Variants in HAO1 observed in about 807,000 individuals in gnomAD.
HAO1 encodes 2-Hydroxyacid oxidase 1.
In HAO1, 34 loss-of-function variants were observed where a neutral mutation model predicts 39.7. The ratio of observed to expected loss-of-function variants is 0.86; its 90% CI spans 0.65 to 1.14. The LOEUF is 1.14. Among genes scored for constraint, HAO1 ranks in the 50% most tolerant of loss-of-function variants. The probability of loss-of-function intolerance (pLI) is 0.00; values close to 1 mark genes in which losing one functional copy is unlikely to be tolerated. For synonymous variants in HAO1, 172 were observed against 173.2 expected (o/e 0.99, Z 0.05); for missense variants, 479 against 464.5 (o/e 1.03, Z -0.29).
chr20:7,906,418 A>G (rs1174188075), intron 3 of HAO1, 89 bp from the exon 4 acceptor site: 1 of 745,304 alleles, frequency 1.3e-6, no homozygotes, highest in African/African-American at 1.8e-5. Flanking sequence ...TACCCTTTTC[A>G]AATCAATTGG....
Position 7,931,806 on chromosome 20 carries a change from G to A in HAO1, c.289+2678C>T, listed in dbSNP as rs1347719214. Among the ~76,000 whole-genome samples the A allele has an allele frequency of 2.6e-5, 4 of 152,036 alleles. 1 individual carries two copies. In the South Asian group the frequency reaches 6.2e-4, roughly 24 times the overall value. ...CCCAACTCCACCAAGAATAAAGACT[G>A]GTCTTGGAACCATCAAATGTGACTT... On this transcript the variant is annotated intron_variant, in intron 2 of 7. Transcript: ENST00000378789.
chr20:7,903,926 A>G (rs951295859), intron 4 of HAO1, among the ~76,000 whole-genome samples: 6 of 151,854 alleles, frequency 4.0e-5, no homozygotes, highest in Non-Finnish European at 8.8e-5. Context: ...TAAAGTGATA[A>G]CAGAATGAAG....
intron 4 of HAO1, among the ~76,000 whole-genome samples, chr20:7,898,703 T>C (rs1312224384): frequency 1.3e-5 from 2 of 152,202 alleles, no homozygotes; most frequent in African/African-American, 4.8e-5. Context: ...GCAGTGTGAC[T>C]AAGAAACTGG....
intron 4 of HAO1, among the ~76,000 whole-genome samples, chr20:7,899,778 C>T (rs1256540557): frequency 6.6e-6 from 1 of 151,970 alleles, no homozygotes; most frequent in South Asian, 2.1e-4. Flanking sequence ...ATGAAAGGGC[C>T]AAAATATTCC....
At chr20:7,919,084 G>C (rs1195320804) in intron 2 of HAO1, among the ~76,000 whole-genome samples, 1 of 152,146 alleles carries the variant, frequency 6.6e-6, no homozygotes, top group Admixed American at 6.6e-5. Context: ...TCACAGCTGA[G>C]GTCATATTAA....
At chr20:7,933,053 A>C (rs2122798872) in intron 2 of HAO1, among the ~76,000 whole-genome samples, 1 of 152,310 alleles carries the variant, frequency 6.6e-6, no homozygotes, top group Middle Eastern at 3.4e-3. Flanking sequence ...AGATGGTCAT[A>C]ATTTCCATGT....
chr20:7,907,913 AT>A (rs1381257491), intron 3 of HAO1, among the ~76,000 whole-genome samples: 1 of 152,126 alleles, frequency 6.6e-6, no homozygotes, highest in African/African-American at 2.4e-5. Flanking sequence ...CTGTTTTTGA[AT>A]AATGACAGTG....
At chr20:7,932,166 G>A (rs998620733) in intron 2 of HAO1, among the ~76,000 whole-genome samples, 3 of 152,108 alleles carry the variant, frequency 2.0e-5, no homozygotes, top group African/African-American at 7.2e-5. Context: ...TGGGAAGAAG[G>A]TCGTTCCTTC....
intron 2 of HAO1, among the ~76,000 whole-genome samples, chr20:7,916,431 C>A (rs2050307446): frequency 6.6e-6 from 1 of 152,164 alleles, no homozygotes; most frequent in Admixed American, 6.5e-5. Context: ...CAGTGAGTTG[C>A]TGCTTATAAA....
At chr20:7,927,297 A>G (rs987064211) in intron 2 of HAO1, among the ~76,000 whole-genome samples, 3 of 152,162 alleles carry the variant, frequency 2.0e-5, no homozygotes, top group African/African-American at 7.2e-5. Flanking sequence ...ATTTATGTTT[A>G]TTATTGCTAT....
At chr20:7,901,571 C>G (rs1435716555) in intron 4 of HAO1, among the ~76,000 whole-genome samples, 1 of 152,226 alleles carries the variant, frequency 6.6e-6, no homozygotes, top group Non-Finnish European at 1.5e-5. Flanking sequence ...TGCTCATTGA[C>G]AGTGCACCTA....
intron 2 of HAO1, among the ~76,000 whole-genome samples, chr20:7,925,636 G>C (rs550310591): frequency 5.9e-4 from 90 of 152,272 alleles, no homozygotes; most frequent in Non-Finnish European, 1.0e-3. Context: ...GTTTTAAGGA[G>C]TATTGAGTTT....
At chr20:7,892,112 TCTCA>T in intron 5 of HAO1, among the ~76,000 whole-genome samples, 1 of 152,210 alleles carries the variant, frequency 6.6e-6, no homozygotes, top group Middle Eastern at 3.4e-3. Flanking sequence ...TGAGACAGAG[TCTCA>T]CTCTGTTGCC....
chr20:7,940,170 C>A, intron 1 of HAO1, 116 bp downstream of exon 1: 1 of 834,792 alleles, frequency 1.2e-6, no homozygotes, highest in Non-Finnish European at 1.8e-6. Context: ...TCCCTCTCTA[C>A]TAAGCACAAA....
intron 2 of HAO1, among the ~76,000 whole-genome samples, chr20:7,934,126 G>T (rs943078586): frequency 6.6e-6 from 1 of 152,094 alleles, no homozygotes; most frequent in African/African-American, 2.4e-5. Flanking sequence ...CATTTCCTGA[G>T]ACAGTACTAT....
chr20:7,906,070 T>A (rs978695894), intron 4 of HAO1, 84 bp downstream of exon 4: 1 of 944,390 alleles, frequency 1.1e-6, no homozygotes, highest in Non-Finnish European at 1.7e-6. Context: ...AATTTTTCCT[T>A]GTTATTTTCC....
intron 2 of HAO1, among the ~76,000 whole-genome samples, chr20:7,923,570 G>A (rs952037929): frequency 1.3e-5 from 2 of 152,122 alleles, no homozygotes; most frequent in African/African-American, 2.4e-5. Context: ...TAGGCTCTCA[G>A]AAGACCTTGA....
At chr20:7,912,105 T>C (rs576461237) in intron 3 of HAO1, among the ~76,000 whole-genome samples, 1 of 152,292 alleles carries the variant, frequency 6.6e-6, no homozygotes, top group South Asian at 2.1e-4. Flanking sequence ...GCTCATTATT[T>C]GATCATCTTC....
At chr20:7,903,373 T>C (rs962933048) in intron 4 of HAO1, among the ~76,000 whole-genome samples, 2 of 151,992 alleles carry the variant, frequency 1.3e-5, no homozygotes, top group South Asian at 2.1e-4. Context: ...ATTTGGGCTA[T>C]CTACTATGTG....
Sources: allele counts gnomAD v4.1 joint callset (sites outside exome capture counted in the v4.1 genomes callset), GRCh38; gene constraint gnomAD v4.1.1; transcripts MANE v1.5; gene names NCBI Gene and HGNC (gene_info 2026-07-23, HGNC 2026-07-21).